C10orf120: variants seen among roughly 807,000 people sequenced by gnomAD.
C10orf120 encodes the protein uncharacterized protein C10orf120.
Under a neutral mutation model 10.8 loss-of-function variants are expected in C10orf120, and 15 were observed. The ratio of observed to expected loss-of-function variants is 1.39; its 90% confidence interval spans 0.93 to 2.14. The LOEUF is 2.14. C10orf120 is among the 30% of genes most tolerant of loss of function. The pLI is 0.00. For synonymous variants in C10orf120, 141 were observed against 138.9 expected (o/e 1.02, Z -0.11); for missense variants, 447 against 411.3 (o/e 1.09, Z -0.75).
rs377579441 is a variant in C10orf120 at position 122,698,854 on chromosome 10, C to T, written c.253-366G>A. Among the ~76,000 whole-genome samples, 42 of 151,968 alleles carry T rather than the reference C, an allele frequency of 2.8e-4. 1 individual carries two copies. In the South Asian group the frequency reaches 7.1e-3, roughly 26 times the overall value. ...AGAGTATTTTGCTGTGGGCCGGGCG[C>T]GGTGGCTCACGCCTGTAATCCCAGC... is the stretch of plus-strand genomic sequence containing the variant. On this transcript the variant is annotated intron_variant, in intron 2 of 2. Transcript: ENST00000329446.
intron 2 of C10orf120, 52 bp from the exon 3 acceptor site, chr10:122,698,540 C>T (rs764783734): frequency 1.3e-6 from 2 of 1,574,038 alleles, no homozygotes; most frequent in Admixed American, 1.7e-5. Flanking sequence ...GGGCAGGCGG[C>T]ACCCACAGAA....
chr10:122,699,263 A>T, intron 2 of C10orf120, 74 bp downstream of exon 2: 1 of 1,002,358 alleles, frequency 1.0e-6, no homozygotes, highest in Non-Finnish European at 1.5e-6. Flanking sequence ...GTGGCTTCTG[A>T]ACCTTTGGCT....
At position 122,699,385 on chromosome 10, in the gene C10orf120, G is replaced by T. The variant is rs376856300; in HGVS notation, c.204C>A (p.Asp68Glu). The T allele has an allele frequency of 2.7e-5, 43 of 1,613,058 alleles. No homozygotes were observed. Among genetic ancestry groups the T allele is most frequent in the Non-Finnish European group, 3.6e-5 (42 of 1,179,214 alleles). ...AGTATTTCCCAAGGGCAATCCGTGGGTCTGATCTGTAGAATTTGCTCCATA... is the reference window on the plus strand; with the variant it reads ...AGTATTTCCCAAGGGCAATCCGTGGTTCTGATCTGTAGAATTTGCTCCATA... ...LRIWSKFYRSDPRIALGKYSP... is the reference protein window; with the variant it reads ...LRIWSKFYRSEPRIALGKYSP... The change falls in exon 2 of 3, where the codon GAC (aspartate) becomes GAA (glutamate). Residue 68 changes from aspartate to glutamate, a missense_variant. Physicochemically the swap from Asp to Glu is conservative, Grantham distance 45 (BLOSUM62 2). Transcript: ENST00000329446.
At position 122,697,943 on chromosome 10, in the gene C10orf120, G is replaced by T. The variant is rs1845809214; in HGVS notation, c.798C>A (p.Phe266Leu). The change falls in exon 3 of 3, where the codon TTC (phenylalanine) becomes TTA (leucine). Residue 266 changes from phenylalanine (F) to leucine (L), a missense_variant. Physicochemically the swap from Phe to Leu is conservative, Grantham distance 22. Transcript: ENST00000329446. ...ACCGTTCCGGTTTCTTTGCGGGGAG[G>T]AATGATTTGCGATCATTTCCATGGT... ...LTYHGNDRKS[F>L]LPAKKPERSI... 8.7e-6 allele frequency: 14 copies of T among 1,613,854 alleles called. No individual in the cohort carries two copies. The highest frequency in any genetic ancestry group is 1.2e-5 in the Non-Finnish European group (14 of 1,179,936).
chr10:122,699,604 G>A lies in C10orf120; in HGVS notation c.176+11C>T. The A allele has an allele frequency of 6.3e-7, 1 of 1,597,312 alleles. No individual in the cohort carries two copies. The highest frequency in any genetic ancestry group is 8.5e-7 in the Non-Finnish European group (1 of 1,171,054). On this transcript the variant is annotated intron_variant, in intron 1 of 2. Transcript: ENST00000329446. ...CTGACATGGACAGACTAAAGTGCAA[G>A]TCAGACTCACCGCAACGGTGAAGCA...
Position 122,698,162 on chromosome 10 carries a change from T to C in C10orf120, c.579A>G (p.Ser193=), listed in dbSNP as rs1845812758. ...LPYIERFTRS[S]FLSGVGLGPM... is the part of the protein sequence containing the mutation. ...GACCCAGGCCCACCCCAGACAGAAA[T>C]GAGGAGCGTGTAAACCTTTCAATGT... is the stretch of plus-strand genomic sequence containing the variant. Residue 193 remains serine, a synonymous_variant, in exon 3 of 3, where the codon TCA becomes TCG. Coordinates refer to ENST00000329446, the MANE Select transcript of C10orf120 (RefSeq NM_001010912.4). 1 of 1,613,050 alleles carries C rather than the reference T, an allele frequency of 6.2e-7. No individual in the cohort carries two copies. Among genetic ancestry groups the C allele is most frequent in the Admixed American group, 1.7e-5 (1 of 59,782 alleles).
Position 122,697,913 on chromosome 10 carries a change from G to A in C10orf120, c.828C>T (p.Ile276=), listed in dbSNP as rs200543036. Residue 276 remains isoleucine (I), a synonymous_variant, in exon 3 of 3, where the codon ATC becomes ATT. Coordinates refer to ENST00000329446, the MANE Select transcript of C10orf120 (RefSeq NM_001010912.4). The stretch of plus-strand genomic sequence containing the variant: ...AAAGATTTCGGTTTGTTAGGCCTGC[G>A]ATGGACCGTTCCGGTTTCTTTGCGG... ...FLPAKKPERS[I]AGLTNRNLFC... 1.1e-5 allele frequency: 18 copies of A among 1,614,040 alleles called. No homozygotes were observed. Among genetic ancestry groups the A allele is most frequent in the East Asian group, 2.2e-5 (1 of 44,886 alleles).
In C10orf120 at chr10:122,699,713, C is replaced by T. The variant is rs778881933; in HGVS notation, c.78G>A (p.Lys26=). ...TAAATATTCTAACTGGCTTTTCATT[C>T]TTCCTTTCTTGCACCATTGTGTCAC... ...RASDTMVQER[K]NEKPVRIFNT... is the part of the protein sequence containing the mutation. The change falls in exon 1 of 3, where the codon AAG becomes AAA. Residue 26 remains lysine, a synonymous_variant. Coordinates refer to ENST00000329446, the MANE Select transcript of C10orf120 (RefSeq NM_001010912.4). 57 of 1,613,952 alleles carry T rather than the reference C, an allele frequency of 3.5e-5. No individual in the cohort carries two copies. The highest frequency in any genetic ancestry group is 4.4e-5 in the Non-Finnish European group (52 of 1,179,932).
chr10:122,699,832 G>A lies in C10orf120; in HGVS notation c.-42C>T, dbSNP rs1460847565. 6.4e-7 allele frequency: 1 copy of A among 1,554,986 alleles called. No homozygotes were observed. The highest frequency in any genetic ancestry group is 2.3e-5 in the East Asian group (1 of 44,424). ...AGGACGGGAGGTGTTCACACCTGGA[G>A]TTTGTTTCTAAGACAATGTGATGAG... is the stretch of plus-strand genomic sequence containing the variant. On this transcript the variant is annotated 5_prime_UTR_variant, in exon 1 of 3. Coordinates refer to ENST00000329446, the MANE Select transcript of C10orf120 (RefSeq NM_001010912.4).
At chr10:122,699,140 CAAAAAA>C (rs67633673) in intron 2 of C10orf120, among the ~76,000 whole-genome samples, 191 bp downstream of exon 2, 37 of 21,828 alleles carry the variant, frequency 1.7e-3, no homozygotes, top group South Asian at 3.7e-3. Context: ...GACTCCGTCT[CAAAAAA>C]AAAAAAAAAA....
At position 122,699,759 on chromosome 10, in the gene C10orf120, C is replaced by T. The variant is rs267602401; in HGVS notation, c.32G>A (p.Arg11Lys). 6.2e-7 allele frequency: 1 copy of T among 1,613,668 alleles called. No homozygotes were observed. The highest frequency in any genetic ancestry group is 8.5e-7 in the Non-Finnish European group (1 of 1,179,790). ...GTCACTAGCCCTCTGTTTTTCAATCCTCTGACAGTCATTCTTCCATTCTCT... is the reference window on the plus strand; with the variant it reads ...GTCACTAGCCCTCTGTTTTTCAATCTTCTGACAGTCATTCTTCCATTCTCT... MIREWKNDCQ[R>K]IEKQRASDTM... Residue 11 changes from arginine (R) to lysine (K), a missense_variant, in exon 1 of 3, where the codon AGG becomes AAG. By Grantham distance (26) the Arg-to-Lys change is conservative. Coordinates refer to ENST00000329446, the MANE Select transcript of C10orf120 (RefSeq NM_001010912.4).
In C10orf120 at chr10:122,699,595, A is replaced by T. The variant is rs756447933; in HGVS notation, c.176+20T>A. The T allele has an allele frequency of 6.3e-7, 1 of 1,589,792 alleles. No individual in the cohort carries two copies. The highest frequency in any genetic ancestry group is 1.2e-5 in the South Asian group (1 of 85,930). Reference sequence around the variant, plus strand: ...GGCCTCTTTCTGACATGGACAGACTAAAGTGCAAGTCAGACTCACCGCAAC... The same window carrying T: ...GGCCTCTTTCTGACATGGACAGACTTAAGTGCAAGTCAGACTCACCGCAAC... On this transcript the variant is annotated intron_variant, in intron 1 of 2. Coordinates refer to ENST00000329446, the MANE Select transcript of C10orf120 (RefSeq NM_001010912.4).
Position 122,699,828 on chromosome 10 carries a change from T to C in C10orf120, c.-38A>G, listed in dbSNP as rs1196513589. ...AGCTAGGACGGGAGGTGTTCACACCTGGAGTTTGTTTCTAAGACAATGTGA... is the reference window on the plus strand; with the variant it reads ...AGCTAGGACGGGAGGTGTTCACACCCGGAGTTTGTTTCTAAGACAATGTGA... On this transcript the variant is annotated 5_prime_UTR_variant, in exon 1 of 3. Transcript: ENST00000329446. 1.3e-6 allele frequency: 2 copies of C among 1,561,588 alleles called. No homozygotes were observed. The highest frequency in any genetic ancestry group is 1.2e-5 in the South Asian group (1 of 83,966).
Position 122,697,765 on chromosome 10 carries a change from G to A in C10orf120, c.976C>T (p.Arg326Cys), listed in dbSNP as rs1431253930. ...SLEEESIWKE[R>C]MRKATPYHY is the part of the protein sequence containing the mutation. ...TGATAAGGAGTTGCTTTACGCATGC[G>A]CTCTTTCCAGATACTCTCTTCTTCC... Residue 326 changes from arginine (R) to cysteine (C), a missense_variant, in exon 3 of 3, where the codon CGC becomes TGC. Arg to Cys is a radical substitution (Grantham distance 180). Coordinates refer to ENST00000329446, the MANE Select transcript of C10orf120 (RefSeq NM_001010912.4). The A allele has an allele frequency of 2.5e-6, 4 of 1,614,036 alleles. No homozygotes were observed. The highest frequency in any genetic ancestry group is 2.2e-5 in the East Asian group (1 of 44,882).
rs202218863 is a variant in C10orf120 at position 122,699,727 on chromosome 10, C to A, written c.64G>T (p.Val22Leu). The A allele has an allele frequency of 5.0e-6, 8 of 1,614,000 alleles. No homozygotes were observed. Among genetic ancestry groups the A allele is most frequent in the African/African-American group, 2.7e-5 (2 of 74,926 alleles). ...IEKQRASDTM[V>L]QERKNEKPVR... ...GGCTTTTCATTCTTCCTTTCTTGCA[C>A]CATTGTGTCACTAGCCCTCTGTTTT... The change falls in exon 1 of 3, where the codon GTG becomes TTG. Residue 22 changes from valine (V) to leucine (L), a missense_variant. Coordinates refer to ENST00000329446, the MANE Select transcript of C10orf120 (RefSeq NM_001010912.4).
intron 2 of C10orf120, among the ~76,000 whole-genome samples, chr10:122,698,866 C>T (rs1845823986): frequency 6.6e-6 from 1 of 151,872 alleles, no homozygotes; most frequent in Non-Finnish European, 1.5e-5. Context: ...GTGGCTCACG[C>T]CTGTAATCCC....
In C10orf120 at chr10:122,699,616, G is replaced by A. The variant is rs76198528; in HGVS notation, c.175C>T (p.Arg59Trp). ...GACTAAAGTGCAAGTCAGACTCACCGCAACGGTGAAGCAGAACTCAGATCC... is the reference window on the plus strand; with the variant it reads ...GACTAAAGTGCAAGTCAGACTCACCACAACGGTGAAGCAGAACTCAGATCC... ...QEDLSSASPL[R>W]IWSKFYRSDP... The change falls in exon 1 of 3, where the codon CGG becomes TGG. Residue 59 changes from arginine (R) to tryptophan (W), a missense_variant and splice_region_variant. Coordinates refer to ENST00000329446, the MANE Select transcript of C10orf120 (RefSeq NM_001010912.4). The A allele has an allele frequency of 1.2e-5, 19 of 1,604,528 alleles. No homozygotes were observed. In the South Asian group the frequency reaches 1.3e-4, roughly 11 times the overall value.
intron 2 of C10orf120, 114 bp from the exon 3 acceptor site, chr10:122,698,602 T>C (rs987403622): frequency 3.1e-6 from 3 of 956,426 alleles, no homozygotes; most frequent in Non-Finnish European, 4.8e-6. Flanking sequence ...TGAGCCTCTC[T>C]GTAGTGGAAA....
intron 2 of C10orf120, among the ~76,000 whole-genome samples, chr10:122,698,978 CA>C (rs1350969782): frequency 6.9e-6 from 1 of 145,782 alleles, no homozygotes; most frequent in African/African-American, 2.5e-5. Context: ...AAAAAAAATA[CA>C]AAAAATTAGC....
Sources: gnomAD v4.1 joint callset for allele counts (sites outside exome capture counted in the v4.1 genomes callset) on GRCh38, gnomAD v4.1.1 for gene constraint, MANE v1.5 for transcripts, NCBI Gene and HGNC (gene_info 2026-07-23, HGNC 2026-07-21) for gene names.